Variants in TMED3 observed in about 807,000 individuals in gnomAD.
TMED3 encodes the protein transmembrane p24 trafficking protein 3.
TMED3 carries 9 observed loss-of-function variants against 15.0 expected under a neutral mutation model. The observed-to-expected ratio is 0.60, with a 90% CI of 0.36 to 1.04. TMED3 has a LOEUF of 1.04. Among genes scored for constraint, TMED3 ranks in the 50% least tolerant of loss-of-function variants. TMED3 has a pLI of 0.01. For synonymous variants in TMED3, 117 were observed against 121.4 expected, an observed-to-expected ratio of 0.96 and a Z score of 0.24; for missense variants, 267 against 278.9, an observed-to-expected ratio of 0.96 and a Z score of 0.30.
At chr15:79,399,333 T>A (rs920732833) in intron 2 of TMED3, among the ~76,000 whole-genome samples, 1 of 152,178 alleles carries the variant, frequency 6.6e-6, no homozygotes, top group Non-Finnish European at 1.5e-5. Flanking sequence ...CTCAACTGTC[T>A]TGGTGTGCCC....
At chr15:79,325,914 G>A (rs1341153578), downstream of TMED3, among the ~76,000 whole-genome samples, 6 of 149,216 alleles carry the variant, frequency 4.0e-5, no homozygotes, top group African/African-American at 1.0e-4. Flanking sequence ...GCTGGCAGCC[G>A]ATTGAATGGT....
intron 2 of TMED3, among the ~76,000 whole-genome samples, chr15:79,373,276 G>A: frequency 6.6e-6 from 1 of 152,198 alleles, no homozygotes; most frequent in East Asian, 1.9e-4. Context: ...ACAGGATTAT[G>A]CTAGTCTGGG....
chr15:79,413,011 A>T (rs1191287615), exon 3 of TMED3: 1 of 150,684 alleles, frequency 6.6e-6, no homozygotes, highest in Non-Finnish European at 1.5e-5. Context: ...AACTCATCTT[A>T]TAACACAAGC....
At chr15:79,383,101 C>T (rs1447198607) in intron 2 of TMED3, 11 of 1,388,092 alleles carry the variant, frequency 7.9e-6, no homozygotes, top group South Asian at 2.5e-5. Flanking sequence ...GCCTGTAGAT[C>T]GCCAGGTACC....
At chr15:79,340,443 G>C (rs1299835780) in intron 2 of TMED3, among the ~76,000 whole-genome samples, 1 of 152,204 alleles carries the variant, frequency 6.6e-6, no homozygotes, top group Non-Finnish European at 1.5e-5. Context: ...GCAATTTCTT[G>C]AGACACCCTG....
At chr15:79,360,358 A>T (rs566795588) in intron 2 of TMED3, among the ~76,000 whole-genome samples, 1 of 152,342 alleles carries the variant, frequency 6.6e-6, no homozygotes, top group Non-Finnish European at 1.5e-5. Context: ...TGGTCATGCC[A>T]TCGAGGAACC....
At position 79,411,194 on chromosome 15, in the gene TMED3, C is replaced by T. The variant is rs1247773152; in HGVS notation, c.418-206C>T. 2.6e-5 allele frequency among the ~76,000 whole-genome samples: 4 copies of T among 152,104 alleles called. No homozygotes were observed. The South Asian group carries it at 6.2e-4, about 24-fold the overall frequency. On this transcript the variant is annotated intron_variant, in intron 2 of 2. Coordinates refer to the TMED3 transcript ENST00000424155. ...AGCCTGTTCAATTTATCTTGTGGTT[C>T]CCAAGAGCTCCCCATTTCTGGCAGG... is the stretch of plus-strand genomic sequence containing the variant.
chr15:79,402,669 C>A (rs748557869), intron 2 of TMED3, among the ~76,000 whole-genome samples: 47 of 152,138 alleles, frequency 3.1e-4, no homozygotes, highest in Admixed American at 2.2e-3. Flanking sequence ...TGCCCGTTAT[C>A]CCAGCTACTT....
intron 2 of TMED3, among the ~76,000 whole-genome samples, chr15:79,332,747 T>A (rs894242044): frequency 4.6e-5 from 7 of 152,154 alleles, no homozygotes; most frequent in African/African-American, 7.2e-5. Flanking sequence ...GATTAATATC[T>A]CCCTCCTGGA....
At chr15:79,392,630 A>T (rs1893711257) in intron 2 of TMED3, among the ~76,000 whole-genome samples, 1 of 152,130 alleles carries the variant, frequency 6.6e-6, no homozygotes, top group Non-Finnish European at 1.5e-5. Context: ...AATTTCAAAT[A>T]ATTGTGCAAC....
intron 2 of TMED3, among the ~76,000 whole-genome samples, chr15:79,394,594 A>AT (rs1360225201): frequency 1.3e-5 from 2 of 152,202 alleles, no homozygotes. Context: ...TTTCCCCACT[A>AT]TTTATAGGTC....
chr15:79,343,710 G>A (rs1276967506), intron 2 of TMED3, among the ~76,000 whole-genome samples: 1 of 152,156 alleles, frequency 6.6e-6, no homozygotes, highest in East Asian at 1.9e-4. Context: ...ACCAACTGGA[G>A]AGGTGAAGGA....
intron 2 of TMED3, among the ~76,000 whole-genome samples, chr15:79,329,632 G>A (rs1321813467): frequency 1.3e-5 from 2 of 152,238 alleles, no homozygotes; most frequent in East Asian, 1.9e-4. Flanking sequence ...GCAGCTGTAA[G>A]TGTGGGAGCC....
At chr15:79,353,789 T>A (rs2058907882) in intron 2 of TMED3, among the ~76,000 whole-genome samples, 1 of 152,130 alleles carries the variant, frequency 6.6e-6, no homozygotes, top group African/African-American at 2.4e-5. Context: ...AAGAAAGAAG[T>A]AACACATCTC....
At chr15:79,386,545 A>C (rs1893628149) in intron 2 of TMED3, among the ~76,000 whole-genome samples, 1 of 151,760 alleles carries the variant, frequency 6.6e-6, no homozygotes, top group Non-Finnish European at 1.5e-5. Flanking sequence ...ACAGTTTTTA[A>C]ATTTTTTTAT....
intron 2 of TMED3, among the ~76,000 whole-genome samples, chr15:79,335,440 G>A (rs2058823875): frequency 6.6e-6 from 1 of 152,268 alleles, no homozygotes; most frequent in African/African-American, 2.4e-5. Flanking sequence ...TGTCCTCAGG[G>A]AACTCTGGGA....
intron 2 of TMED3, among the ~76,000 whole-genome samples, chr15:79,348,161 C>T (rs1350043720): frequency 6.6e-6 from 1 of 152,118 alleles, no homozygotes; most frequent in Non-Finnish European, 1.5e-5. Flanking sequence ...TCACTCTAAC[C>T]CCTGAAGAGG....
chr15:79,391,591 G>T (rs1323311176), intron 2 of TMED3, among the ~76,000 whole-genome samples: 8 of 152,118 alleles, frequency 5.3e-5, no homozygotes, highest in Non-Finnish European at 2.9e-5. Flanking sequence ...AAGCCCATTT[G>T]TTCAAGGGTA....
chr15:79,356,937 A>G (rs1364316467), intron 2 of TMED3, among the ~76,000 whole-genome samples: 1 of 152,238 alleles, frequency 6.6e-6, no homozygotes, highest in African/African-American at 2.4e-5. Flanking sequence ...TTACATGTGC[A>G]GACATAGACA....
Sources: allele counts gnomAD v4.1 joint callset (sites outside exome capture counted in the v4.1 genomes callset), GRCh38; gene constraint gnomAD v4.1.1; transcripts MANE v1.5; gene names NCBI Gene and HGNC (gene_info 2026-07-23, HGNC 2026-07-21).